The following CNTN1 variants were observed in gnomAD, a reference collection of about 807,000 sequenced individuals.
The protein encoded by CNTN1 is contactin 1, also known as contactin-1.
Under a neutral mutation model 126.4 loss-of-function variants are expected in CNTN1, and 38 were observed. The ratio of observed to expected loss-of-function variants is 0.30; its 90% confidence interval spans 0.23 to 0.39. The LOEUF (loss-of-function observed/expected upper bound fraction) is 0.39. Ranked by LOEUF, CNTN1 falls within the 10% of genes least tolerant of loss-of-function variation. CNTN1 has a pLI of 1.00. For synonymous variants in CNTN1, 413 were observed against 422.6 expected (o/e 0.98, Z 0.28); for missense variants, 1,009 against 1,248.4 (o/e 0.81, Z 2.89).
intron 1 of CNTN1, among the ~76,000 whole-genome samples, chr12:40,811,385 T>C (rs1223800993): frequency 6.6e-6 from 1 of 152,162 alleles, no homozygotes; most frequent in Non-Finnish European, 1.5e-5. Flanking sequence ...GTAGTGTGTT[T>C]ATCTGGCTTT....
In CNTN1 at chr12:41,040,512, C is replaced by T. The variant is rs142838896; in HGVS notation, c.2980+11293C>T. Among the ~76,000 whole-genome samples, 496 of 152,084 alleles carry T rather than the reference C, an allele frequency of 3.3e-3. 3 individuals are homozygous for T. The highest frequency in any genetic ancestry group is 0.01 in the African/African-American group (418 of 41,506). The stretch of plus-strand genomic sequence containing the variant: ...GAGAAAGTTACTTTGGGCAGTATGG[C>T]CATTTTCACGATATTGATTCTTCCT... On this transcript the variant is annotated intron_variant, in intron 23 of 23. Coordinates refer to ENST00000551295, the MANE Select transcript of CNTN1 (RefSeq NM_001843.4).
chr12:40,814,389 G>A (rs1941190169), intron 1 of CNTN1, among the ~76,000 whole-genome samples: 1 of 152,206 alleles, frequency 6.6e-6, no homozygotes, highest in East Asian at 1.9e-4. Context: ...CGTAAGGACG[G>A]AGTCCAGTTC....
At chr12:40,712,016 A>G (rs1334146178) in intron 1 of CNTN1, among the ~76,000 whole-genome samples, 1 of 152,104 alleles carries the variant, frequency 6.6e-6, no homozygotes. Context: ...CAATGTGCCC[A>G]GCCCCAAATT....
chr12:40,880,851 T>C (rs886190741), intron 1 of CNTN1, among the ~76,000 whole-genome samples: 1 of 151,946 alleles, frequency 6.6e-6, no homozygotes, highest in Admixed American at 6.6e-5. Flanking sequence ...TTTAGGCTTA[T>C]ATCCTCAAAG....
At position 40,899,440 on chromosome 12, in the gene CNTN1, C is replaced by T. The variant is rs545100187; in HGVS notation, c.-76-8917C>T. 1.4e-4 allele frequency among the ~76,000 whole-genome samples: 21 copies of T among 152,150 alleles called. No homozygotes were observed. The South Asian group carries it at 4.2e-3, about 30-fold the overall frequency. ...GAATGCCTTGTTTATTATGATATGGCAAAATGAATCAGATGTAGACATAGA... is the reference window on the plus strand; with the variant it reads ...GAATGCCTTGTTTATTATGATATGGTAAAATGAATCAGATGTAGACATAGA... On this transcript the variant is annotated intron_variant, in intron 1 of 23. Coordinates refer to ENST00000551295, the MANE Select transcript of CNTN1 (RefSeq NM_001843.4).
chr12:40,998,495 C>CT (rs1948276324), intron 17 of CNTN1, among the ~76,000 whole-genome samples: 1 of 152,122 alleles, frequency 6.6e-6, no homozygotes, highest in South Asian at 2.1e-4. Context: ...CTGTGACCCT[C>CT]TATCTTTTTA....
chr12:40,879,830 G>A (rs1943812207), intron 1 of CNTN1, among the ~76,000 whole-genome samples: 1 of 151,928 alleles, frequency 6.6e-6, no homozygotes, highest in Non-Finnish European at 1.5e-5. Flanking sequence ...GAAACTTTAT[G>A]TCCTTGTTTT....
chr12:40,980,303 G>A (rs187877189), intron 15 of CNTN1, among the ~76,000 whole-genome samples: 96 of 152,076 alleles, frequency 6.3e-4, no homozygotes, highest in African/African-American at 2.2e-3. Context: ...AAAATTAGTT[G>A]GGTGTTGTGG....
intron 23 of CNTN1, among the ~76,000 whole-genome samples, chr12:41,050,474 ACAAC>A (rs1949649169): frequency 6.6e-6 from 1 of 152,128 alleles, no homozygotes; most frequent in African/African-American, 2.4e-5. Flanking sequence ...ACACTTTTAA[ACAAC>A]CAGGTCTCAT....
At chr12:40,849,673 A>G (rs1394999827) in intron 1 of CNTN1, among the ~76,000 whole-genome samples, 1 of 152,048 alleles carries the variant, frequency 6.6e-6, no homozygotes, top group African/African-American at 2.4e-5. Context: ...TGCTAACAAC[A>G]CTTTCTTAAT....
intron 15 of CNTN1, chr12:40,971,796 T>G (rs1947521184): frequency 8.5e-7 from 1 of 1,183,102 alleles, no homozygotes; most frequent in Admixed American, 4.8e-5. Context: ...TGTTTTTCTT[T>G]GAAATTATAT....
intron 1 of CNTN1, among the ~76,000 whole-genome samples, chr12:40,879,587 CA>C (rs1943803708): frequency 6.6e-6 from 1 of 152,026 alleles, no homozygotes; most frequent in Non-Finnish European, 1.5e-5. Flanking sequence ...AGACAAAAAT[CA>C]AGGGTCTAGT....
chr12:40,954,799 A>G (rs1946813979), intron 14 of CNTN1, among the ~76,000 whole-genome samples: 1 of 152,050 alleles, frequency 6.6e-6, no homozygotes, highest in African/African-American at 2.4e-5. Context: ...CAAAACACAG[A>G]GCTTCTATTA....
intron 23 of CNTN1, among the ~76,000 whole-genome samples, chr12:41,057,067 ATATT>A (rs1256394448): frequency 8.0e-6 from 1 of 124,848 alleles, no homozygotes; most frequent in African/African-American, 3.2e-5. Flanking sequence ...AATATTATAA[ATATT>A]TAGATATTTA....
At chr12:40,971,720 A>C (rs1048195795) in intron 15 of CNTN1, 2 of 1,333,394 alleles carry the variant, frequency 1.5e-6, no homozygotes, top group African/African-American at 3.1e-5. Flanking sequence ...ATACCTTAAA[A>C]ATGCCTAGTG....
At chr12:40,944,391 T>C (rs1377693462) in intron 14 of CNTN1, among the ~76,000 whole-genome samples, 1 of 152,088 alleles carries the variant, frequency 6.6e-6, no homozygotes, top group Non-Finnish European at 1.5e-5. Context: ...ATTAATCAAT[T>C]AATATTAATT....
intron 1 of CNTN1, among the ~76,000 whole-genome samples, chr12:40,788,614 C>A (rs895508400): frequency 6.6e-6 from 1 of 152,030 alleles, no homozygotes; most frequent in African/African-American, 2.4e-5. Context: ...CCCAAATGAC[C>A]CCTTGGAAAA....
At position 40,918,727 on chromosome 12, in the gene CNTN1, C is replaced by T; in HGVS notation, c.183C>T (p.Val61=). 3.1e-6 allele frequency: 5 copies of T among 1,613,754 alleles called. No individual in the cohort carries two copies. The highest frequency in any genetic ancestry group is 4.2e-6 in the Non-Finnish European group (5 of 1,179,714). Residue 61 remains valine, a synonymous_variant, in exon 4 of 24, where the codon GTC becomes GTT. Coordinates refer to ENST00000551295, the MANE Select transcript of CNTN1 (RefSeq NM_001843.4). ...IYPEESLEGK[V]SLNCRARASP... Reference sequence around the variant, plus strand: ...CAGAGGAATCACTGGAAGGAAAAGTCTCACTCAACTGTAGGGCACGAGCCA... The same window carrying T: ...CAGAGGAATCACTGGAAGGAAAAGTTTCACTCAACTGTAGGGCACGAGCCA...
chr12:40,788,790 C>T (rs1339447785), intron 1 of CNTN1, among the ~76,000 whole-genome samples: 2 of 152,190 alleles, frequency 1.3e-5, no homozygotes, highest in Non-Finnish European at 2.9e-5. Context: ...TTTAAGTTCA[C>T]TAGTAAAGCT....
Sources: allele counts gnomAD v4.1 joint callset (sites outside exome capture counted in the v4.1 genomes callset), GRCh38; gene constraint gnomAD v4.1.1; transcripts MANE v1.5; gene names NCBI Gene and HGNC (gene_info 2026-07-23, HGNC 2026-07-21).